The following NTM variants were observed in gnomAD, a reference collection of about 807,000 sequenced individuals.
NTM encodes the protein IgLON family member 2.
In NTM, 13 loss-of-function variants were observed where a neutral mutation model predicts 42.1. The ratio of observed to expected loss-of-function variants is 0.31; its 90% CI spans 0.20 to 0.49. NTM has a LOEUF of 0.49. NTM is among the 20% of genes least tolerant of loss of function. NTM has a pLI of 0.99. For missense variants in NTM, 373 were observed against 452.8 expected (o/e 0.82, Z 1.60); for synonymous variants, 187 against 179.2 (o/e 1.04, Z -0.35).
chr11:131,632,673 CTTTTTT>C lies in NTM; in HGVS notation c.82+261799_82+261804del, dbSNP rs529612626. 4.7e-4 allele frequency among the ~76,000 whole-genome samples: 39 copies of C among 83,060 alleles called. 1 individual carries two copies. Among genetic ancestry groups the C allele is most frequent in the Non-Finnish European group, 6.5e-4 (31 of 47,372 alleles). 54.5% of individuals were successfully genotyped at this position (83,060 alleles called of 152,430 possible). A position where few individuals can be genotyped will look rare whatever the true frequency, so the allele number is the denominator to read the frequency against. On this transcript the variant is annotated intron_variant, in intron 1 of 8. Transcript: ENST00000683400. ...TTTCATCTTGGTCATGCTCGGGCAG[CTTTTTT>C]TTTTTTTTTTTTTGAGACGGAGTTT...
intron 1 of NTM, among the ~76,000 whole-genome samples, chr11:131,809,636 G>A (rs2092656592): frequency 6.6e-6 from 1 of 152,164 alleles, no homozygotes; most frequent in African/African-American, 2.4e-5. Flanking sequence ...TCTCAGTTTT[G>A]TTGCTGTGAA....
intron 1 of NTM, among the ~76,000 whole-genome samples, chr11:131,877,243 C>CAGTT (rs2048673747): frequency 6.6e-6 from 1 of 152,200 alleles, no homozygotes; most frequent in Admixed American, 6.5e-5. Flanking sequence ...CTCTTTGGGA[C>CAGTT]AGTTCATCTC....
At chr11:131,741,257 G>A (rs1336829024) in intron 1 of NTM, among the ~76,000 whole-genome samples, 1 of 152,036 alleles carries the variant, frequency 6.6e-6, no homozygotes, top group African/African-American at 2.4e-5. Context: ...GTCCAGGGGC[G>A]GTAGCCTACC....
intron 1 of NTM, among the ~76,000 whole-genome samples, chr11:131,428,973 C>T (rs534375961): frequency 1.3e-5 from 2 of 151,112 alleles, no homozygotes; most frequent in African/African-American, 4.9e-5. Flanking sequence ...GAGAATTGTT[C>T]GAACCCAGGA....
At chr11:131,433,987 C>T (rs185357738) in intron 1 of NTM, among the ~76,000 whole-genome samples, 3 of 152,268 alleles carry the variant, frequency 2.0e-5, no homozygotes, top group African/African-American at 7.2e-5. Context: ...GGTAGGTTCC[C>T]CGCCCTGTTT....
At chr11:131,930,681 A>T (rs1209372416) in intron 2 of NTM, among the ~76,000 whole-genome samples, 1 of 133,952 alleles carries the variant, frequency 7.5e-6, no homozygotes, top group Admixed American at 6.9e-5. Context: ...ACTGGCCTGA[A>T]TTTTTGTTTA....
At chr11:131,816,236 T>A (rs145552162) in intron 1 of NTM, among the ~76,000 whole-genome samples, 1,641 of 152,308 alleles carry the variant, frequency 0.011, 24 homozygotes, top group African/African-American at 0.037. Flanking sequence ...TCACTCATCA[T>A]GAAAGCATCT....
At chr11:131,413,607 A>G (rs1467921166) in intron 1 of NTM, among the ~76,000 whole-genome samples, 1 of 152,222 alleles carries the variant, frequency 6.6e-6, no homozygotes, top group Non-Finnish European at 1.5e-5. Flanking sequence ...TTTCCTTTAT[A>G]TCACAGTCTG....
rs559203892 is a variant in NTM at position 132,089,097 on chromosome 11, T to G, written c.168-57185T>G. 9.2e-5 allele frequency among the ~76,000 whole-genome samples: 14 copies of G among 152,334 alleles called. 1 individual carries two copies. In the South Asian group the frequency reaches 1.7e-3, roughly 18 times the overall value. ...GGTGAAGCTTTCCCAGGTGCTTTTC[T>G]GCTAAAGTTTTGACTTTCTCAAAAC... On this transcript the variant is annotated intron_variant, in intron 2 of 8. Transcript: ENST00000683400.
intron 1 of NTM, among the ~76,000 whole-genome samples, chr11:131,698,763 A>C (rs1212682283): frequency 1.3e-5 from 2 of 152,138 alleles, no homozygotes; most frequent in Admixed American, 6.5e-5. Flanking sequence ...CCTTGTTAGG[A>C]GTATTCTTCT....
intron 1 of NTM, among the ~76,000 whole-genome samples, chr11:131,901,902 T>G (rs986307119): frequency 6.6e-6 from 1 of 152,240 alleles, no homozygotes; most frequent in Non-Finnish European, 1.5e-5. Context: ...GCAGTACCAC[T>G]GGTAGTTTTG....
At chr11:131,860,115 T>C (rs1195612989) in intron 1 of NTM, among the ~76,000 whole-genome samples, 3 of 152,116 alleles carry the variant, frequency 2.0e-5, no homozygotes, top group African/African-American at 7.2e-5. Flanking sequence ...TCCGTCAATG[T>C]CAAAAAGATT....
intron 2 of NTM, among the ~76,000 whole-genome samples, chr11:132,047,103 C>T (rs1290030380): frequency 6.6e-6 from 1 of 152,210 alleles, no homozygotes; most frequent in Non-Finnish European, 1.5e-5. Flanking sequence ...GTAGGTCTGT[C>T]TATTTCCCAA....
intron 1 of NTM, among the ~76,000 whole-genome samples, chr11:131,696,777 C>T (rs1472398848): frequency 7.2e-6 from 1 of 139,364 alleles, no homozygotes; most frequent in Non-Finnish European, 1.5e-5. Flanking sequence ...ACAGGCACAC[C>T]CACGCATGCA....
intron 2 of NTM, among the ~76,000 whole-genome samples, chr11:132,008,236 A>C (rs2071262648): frequency 6.6e-6 from 1 of 152,088 alleles, no homozygotes; most frequent in African/African-American, 2.4e-5. Context: ...CACTTATGGG[A>C]TGCATCTCTT....
chr11:131,956,034 G>A (rs1246325482), intron 2 of NTM, among the ~76,000 whole-genome samples: 1 of 152,188 alleles, frequency 6.6e-6, no homozygotes, highest in Non-Finnish European at 1.5e-5. Flanking sequence ...CCCTGGGCCA[G>A]GCAGGGAAGC....
intron 2 of NTM, among the ~76,000 whole-genome samples, chr11:131,932,360 T>C (rs1187390716): frequency 6.6e-6 from 1 of 152,172 alleles, no homozygotes; most frequent in Non-Finnish European, 1.5e-5. Flanking sequence ...TAGTTTAAAT[T>C]GTCAACAAAA....
chr11:131,472,008 C>G (rs540868398), intron 1 of NTM, among the ~76,000 whole-genome samples: 1 of 152,298 alleles, frequency 6.6e-6, no homozygotes, highest in South Asian at 2.1e-4. Context: ...CCTCCTGAAA[C>G]CAAGACGTTT....
intron 3 of NTM, among the ~76,000 whole-genome samples, chr11:132,189,025 A>G (rs2078883640): frequency 6.6e-6 from 1 of 152,236 alleles, no homozygotes; most frequent in Non-Finnish European, 1.5e-5. Context: ...ATGAATAGCA[A>G]TTACAGGGAA....
Sources: allele counts gnomAD v4.1 joint callset (sites outside exome capture counted in the v4.1 genomes callset), GRCh38; gene constraint gnomAD v4.1.1; transcripts MANE v1.5; gene names NCBI Gene and HGNC (gene_info 2026-07-23, HGNC 2026-07-21).